Variants in RBFOX1 observed in about 807,000 individuals in gnomAD.
RBFOX1 encodes RNA binding fox-1 homolog 1.
In RBFOX1, 8 loss-of-function variants were observed where a neutral mutation model predicts 57.7. The observed-to-expected ratio is 0.14, with a 90% confidence interval of 0.08 to 0.25. RBFOX1 has a LOEUF of 0.25. RBFOX1 is among the 10% of genes least tolerant of loss of function. The pLI is 1.00. For synonymous variants in RBFOX1, 326 were observed against 222.4 expected (o/e 1.47, Z -4.15); for missense variants, 611 against 548.5 (o/e 1.11, Z -1.14).
intron 3 of RBFOX1, among the ~76,000 whole-genome samples, chr16:6,946,195 G>C (rs374094314): frequency 2.6e-5 from 4 of 152,222 alleles, no homozygotes; most frequent in South Asian, 2.1e-4. Context: ...ACCAGATACA[G>C]AGAATATTTT....
At chr16:6,001,070 T>C (rs1376652252) in intron 4 of RBFOX1, among the ~76,000 whole-genome samples, 1 of 152,104 alleles carries the variant, frequency 6.6e-6, no homozygotes, top group Non-Finnish European at 1.5e-5. Flanking sequence ...GATGGACAGA[T>C]GGGTAGATAT....
chr16:7,659,888 TG>T (rs2067259669), intron 12 of RBFOX1, among the ~76,000 whole-genome samples: 1 of 152,154 alleles, frequency 6.6e-6, no homozygotes, highest in Non-Finnish European at 1.5e-5. Context: ...TTTAATAATC[TG>T]ATTAAAAATT....
chr16:6,028,973 C>G (rs79227133), intron 1 of RBFOX1, among the ~76,000 whole-genome samples: 1,572 of 152,312 alleles, frequency 0.01, 21 homozygotes, highest in Middle Eastern at 0.051. Flanking sequence ...CTGCACCTCT[C>G]TGAGCCTCCA....
At chr16:5,860,858 A>G (rs956962169) in intron 3 of RBFOX1, among the ~76,000 whole-genome samples, 14 of 152,218 alleles carry the variant, frequency 9.2e-5, no homozygotes, top group Non-Finnish European at 1.9e-4. Context: ...CTACTCACGC[A>G]GCATCTTTGA....
intron 1 of RBFOX1, among the ~76,000 whole-genome samples, chr16:5,452,376 T>G (rs1567531088): frequency 1.3e-5 from 2 of 152,102 alleles, no homozygotes; most frequent in Admixed American, 6.6e-5. Flanking sequence ...CCCAAAGTGC[T>G]GGGGTTACAG....
At chr16:7,565,766 A>G (rs71374952) in intron 5 of RBFOX1, among the ~76,000 whole-genome samples, 21,422 of 152,200 alleles carry the variant, frequency 0.14, 2,001 homozygotes, top group East Asian at 0.31. Flanking sequence ...CTGGCTCTTC[A>G]AAGTACACTT....
At chr16:6,013,065 A>AT (rs1253651130) in intron 4 of RBFOX1, among the ~76,000 whole-genome samples, 1 of 152,040 alleles carries the variant, frequency 6.6e-6, no homozygotes, top group Non-Finnish European at 1.5e-5. Flanking sequence ...CATCATCATC[A>AT]TTGTTGTCAT....
chr16:7,057,031 A>C (rs1430457152), intron 4 of RBFOX1, among the ~76,000 whole-genome samples: 2 of 135,692 alleles, frequency 1.5e-5, no homozygotes, highest in East Asian at 4.7e-4. Flanking sequence ...AAAGCACTGA[A>C]AAAAAAAAAA....
intron 4 of RBFOX1, among the ~76,000 whole-genome samples, chr16:7,215,325 C>T (rs573922242): frequency 1.1e-3 from 161 of 152,280 alleles, no homozygotes; most frequent in African/African-American, 3.7e-3. Flanking sequence ...TGGGTATATA[C>T]TCAAAGTATT....
chr16:5,640,399 C>T (rs2048820867), intron 3 of RBFOX1, among the ~76,000 whole-genome samples: 1 of 152,068 alleles, frequency 6.6e-6, no homozygotes, highest in Non-Finnish European at 1.5e-5. Flanking sequence ...CATGCATGCA[C>T]ATATACACAT....
rs140192767 is a variant in RBFOX1, at chr16:6,886,126, A to T, written c.-15-165931A>T. ...CACCAGGCTGGAGTGCAGTGACGTG[A>T]TCTCGGCTCACTGCATCCTCCGCCC... On this transcript the variant is annotated intron_variant, in intron 3 of 15. Coordinates refer to ENST00000550418, the MANE Select transcript of RBFOX1 (RefSeq NM_018723.4). Among the ~76,000 whole-genome samples, 902 of 145,122 alleles carry T rather than the reference A, an allele frequency of 6.2e-3. 19 individuals carry two copies. The highest frequency in any genetic ancestry group is 0.022 in the African/African-American group (862 of 38,604).
rs112357779 is a variant in RBFOX1 at position 5,535,393 on chromosome 16, C to T, written c.259-63509C>T. Among the ~76,000 whole-genome samples the T allele has an allele frequency of 2.2e-4, 34 of 152,254 alleles. 1 individual carries two copies. Among genetic ancestry groups the T allele is most frequent in the African/African-American group, 7.9e-4 (33 of 41,548 alleles). ...CTGTGAAACTCAATACACAAGTTAT[C>T]AGATTCTAAAAATGTAGTAGTGGGA... is the stretch of plus-strand genomic sequence containing the variant. On this transcript the variant is annotated intron_variant, in intron 2 of 2. Coordinates refer to the RBFOX1 transcript ENST00000585867.
chr16:6,308,385 G>T (rs960280216), intron 1 of RBFOX1, among the ~76,000 whole-genome samples: 3 of 152,064 alleles, frequency 2.0e-5, no homozygotes, highest in Non-Finnish European at 4.4e-5. Context: ...GTTTTGCTTC[G>T]CCTTTGTGGC....
intron 3 of RBFOX1, among the ~76,000 whole-genome samples, chr16:6,984,584 T>G (rs1599153249): frequency 6.6e-6 from 1 of 152,102 alleles, no homozygotes; most frequent in Non-Finnish European, 1.5e-5. Flanking sequence ...TGATGGCATA[T>G]TTATGCTGGA....
chr16:6,252,026 C>T (rs963464190), intron 1 of RBFOX1, among the ~76,000 whole-genome samples: 16 of 152,070 alleles, frequency 1.1e-4, no homozygotes, highest in African/African-American at 2.9e-4. Flanking sequence ...GGAACTCCAG[C>T]GAGAATTTTA....
intron 3 of RBFOX1, among the ~76,000 whole-genome samples, chr16:6,677,083 A>G (rs1483111261): frequency 6.6e-6 from 1 of 152,234 alleles, no homozygotes; most frequent in Admixed American, 6.5e-5. Context: ...TAACTGCTTT[A>G]CAAGCATGAT....
At chr16:7,391,969 G>C (rs1328350664) in intron 4 of RBFOX1, among the ~76,000 whole-genome samples, 2 of 152,144 alleles carry the variant, frequency 1.3e-5, no homozygotes, top group Admixed American at 6.5e-5. Context: ...CTGATTACTT[G>C]CTGCCCTTAG....
chr16:7,213,224 C>G (rs1210741337), intron 4 of RBFOX1, among the ~76,000 whole-genome samples: 1 of 152,166 alleles, frequency 6.6e-6, no homozygotes, highest in Non-Finnish European at 1.5e-5. Flanking sequence ...GGCAGAAAAA[C>G]AATGAGGCAT....
chr16:6,533,530 C>G (rs1047467432), intron 2 of RBFOX1, among the ~76,000 whole-genome samples: 3 of 152,102 alleles, frequency 2.0e-5, no homozygotes, highest in African/African-American at 7.2e-5. Flanking sequence ...TGATCCTGTG[C>G]TTTTACCTAG....
Sources: allele counts gnomAD v4.1 joint callset (sites outside exome capture counted in the v4.1 genomes callset), GRCh38; gene constraint gnomAD v4.1.1; transcripts MANE v1.5; gene names NCBI Gene and HGNC (gene_info 2026-07-23, HGNC 2026-07-21).